Variants in CACNA2D3 observed in about 807,000 individuals in gnomAD.
CACNA2D3 encodes voltage-dependent calcium channel subunit alpha-2/delta-3.
CACNA2D3 carries 60 observed loss-of-function variants against 160.6 expected under a neutral mutation model. That is an observed-to-expected ratio of 0.37 (90% CI 0.30 to 0.46). The LOEUF is 0.46. Among genes scored for constraint, CACNA2D3 ranks in the 20% least tolerant of loss-of-function variants. The pLI, the probability that CACNA2D3 is intolerant of heterozygous loss-of-function variation, is 1.00. For missense variants in CACNA2D3, 1,205 were observed against 1,365.0 expected (o/e 0.88, Z 1.85); for synonymous variants, 558 against 492.9 (o/e 1.13, Z -1.75).
intron 2 of CACNA2D3, among the ~76,000 whole-genome samples, chr3:54,258,500 A>T (rs575724399): frequency 1.4e-3 from 207 of 152,324 alleles, no homozygotes; most frequent in African/African-American, 4.6e-3. Flanking sequence ...CTGATGTTGG[A>T]GAATGAAGTT....
intron 2 of CACNA2D3, among the ~76,000 whole-genome samples, chr3:54,155,613 C>T (rs1042017260): frequency 2.0e-5 from 3 of 152,134 alleles, no homozygotes; most frequent in East Asian, 1.9e-4. Context: ...GTTTTGTTTG[C>T]GTTTTTCTCT....
chr3:54,572,977 C>G (rs1385801164), intron 8 of CACNA2D3, among the ~76,000 whole-genome samples: 1 of 152,072 alleles, frequency 6.6e-6, no homozygotes, highest in Non-Finnish European at 1.5e-5. Flanking sequence ...ACAGTGTCAA[C>G]TCAATAAAGA....
chr3:54,617,312 C>G (rs1025053482), intron 9 of CACNA2D3, among the ~76,000 whole-genome samples: 5 of 152,224 alleles, frequency 3.3e-5, no homozygotes, highest in Admixed American at 1.3e-4. Flanking sequence ...CAGCACCTCT[C>G]TCTCTCATCC....
At chr3:54,810,351 C>T (rs896048706) in intron 13 of CACNA2D3, among the ~76,000 whole-genome samples, 3 of 152,166 alleles carry the variant, frequency 2.0e-5, no homozygotes, top group Non-Finnish European at 2.9e-5. Context: ...TGTGAGACAA[C>T]CTGCACTGCC....
intron 13 of CACNA2D3, among the ~76,000 whole-genome samples, chr3:54,787,400 A>T (rs969625262): frequency 6.6e-6 from 1 of 152,236 alleles, no homozygotes; most frequent in African/African-American, 2.4e-5. Flanking sequence ...TCTGGACCAG[A>T]AGCACAATTG....
At chr3:54,584,431 G>A (rs1386523699) in intron 9 of CACNA2D3, among the ~76,000 whole-genome samples, 1 of 152,130 alleles carries the variant, frequency 6.6e-6, no homozygotes, top group African/African-American at 2.4e-5. Context: ...GAAGATGACA[G>A]CAGATAAAAT....
chr3:54,571,038 A>G (rs899352335), intron 8 of CACNA2D3, among the ~76,000 whole-genome samples: 1 of 152,176 alleles, frequency 6.6e-6, no homozygotes, highest in African/African-American at 2.4e-5. Flanking sequence ...ATGAGACTTC[A>G]GTCAAATACA....
chr3:54,628,706 G>A (rs1450240597), intron 10 of CACNA2D3, among the ~76,000 whole-genome samples: 1 of 152,082 alleles, frequency 6.6e-6, no homozygotes, highest in East Asian at 1.9e-4. Context: ...AGTTTAATTC[G>A]GGCAATTGAT....
chr3:54,717,679 GTGGTGT>G (rs1002645068), intron 11 of CACNA2D3, among the ~76,000 whole-genome samples: 3 of 145,916 alleles, frequency 2.1e-5, no homozygotes, highest in Non-Finnish European at 3.0e-5. Flanking sequence ...TGTGGTGTGT[GTGGTGT>G]GTGCGTGCGT....
chr3:54,885,529 C>T lies in CACNA2D3; in HGVS notation c.1999C>T (p.Leu667=). The change falls in exon 23 of 38, where the codon CTG becomes TTG. Residue 667 remains leucine (L), a synonymous_variant. Transcript: ENST00000474759. ...TGACCTACACCCTGAGCACCGCCAT[C>T]TGTCTCAGTTAGAAGCGATTAAGCT... ...NTDLHPEHRH[L]SQLEAIKLYL... is the part of the protein sequence containing the mutation. 1 of 1,613,800 alleles carries T rather than the reference C, an allele frequency of 6.2e-7. No homozygotes were observed. Among genetic ancestry groups the T allele is most frequent in the Non-Finnish European group, 8.5e-7 (1 of 1,179,804 alleles).
At chr3:54,238,114 A>G (rs547520266) in intron 2 of CACNA2D3, among the ~76,000 whole-genome samples, 174 of 152,310 alleles carry the variant, frequency 1.1e-3, no homozygotes, top group African/African-American at 3.9e-3. Flanking sequence ...CTTTGCATTC[A>G]TCAGACTTGC....
intron 31 of CACNA2D3, 24 bp downstream of exon 31, chr3:54,987,777 A>C (rs747750276): frequency 1.9e-6 from 3 of 1,548,686 alleles, no homozygotes; most frequent in East Asian, 2.3e-5. Context: ...GGTCCACTGC[A>C]TTCCCCCCAA....
intron 5 of CACNA2D3, among the ~76,000 whole-genome samples, chr3:54,553,324 G>A (rs895176407): frequency 6.6e-6 from 1 of 152,204 alleles, no homozygotes. Flanking sequence ...TTTACTTGCT[G>A]AAATGGGAGA....
rs148650900 is a variant in CACNA2D3, at chr3:54,317,624, G to A, written c.205-2818G>A. On this transcript the variant is annotated intron_variant, in intron 2 of 37. Coordinates refer to ENST00000474759, the MANE Select transcript of CACNA2D3 (RefSeq NM_018398.3). ...GCGATCGCGGCTCACTGCAATATCC[G>A]CCTCCCAGGTTGAAGTGATTCTTCT... Among the ~76,000 whole-genome samples, 1,251 of 152,086 alleles carry A rather than the reference G, an allele frequency of 8.2e-3. 17 individuals carry two copies. Among genetic ancestry groups the A allele is most frequent in the African/African-American group, 0.028 (1,182 of 41,480 alleles).
intron 9 of CACNA2D3, among the ~76,000 whole-genome samples, chr3:54,601,452 C>G (rs1242094344): frequency 1.3e-5 from 2 of 152,162 alleles, no homozygotes; most frequent in Non-Finnish European, 2.9e-5. Flanking sequence ...AAGTGATCCT[C>G]CTGCCTCAGC....
intron 31 of CACNA2D3, among the ~76,000 whole-genome samples, chr3:54,992,796 A>G (rs952413400): frequency 6.7e-6 from 1 of 150,078 alleles, no homozygotes; most frequent in African/African-American, 2.5e-5. Context: ...AAAAAAAAAG[A>G]AAAAAGCAGT....
chr3:54,844,046 G>A (rs1237911346), intron 16 of CACNA2D3, among the ~76,000 whole-genome samples: 2 of 152,174 alleles, frequency 1.3e-5, no homozygotes, highest in South Asian at 2.1e-4. Context: ...CAGCACAGAG[G>A]TGGTCACTGC....
At chr3:55,046,371 G>T (rs1276723020) in intron 35 of CACNA2D3, among the ~76,000 whole-genome samples, 1 of 109,324 alleles carries the variant, frequency 9.1e-6, no homozygotes, top group Non-Finnish European at 1.9e-5. Context: ...TTGTTCTTGC[G>T]ATAGTTTACT....
intron 2 of CACNA2D3, among the ~76,000 whole-genome samples, chr3:54,230,282 A>G (rs1408075783): frequency 6.6e-6 from 1 of 152,178 alleles, no homozygotes; most frequent in Non-Finnish European, 1.5e-5. Context: ...TCTTGCCAGC[A>G]GAGTATTTCC....
Sources: gnomAD v4.1 joint callset for allele counts (sites outside exome capture counted in the v4.1 genomes callset) on GRCh38, gnomAD v4.1.1 for gene constraint, MANE v1.5 for transcripts, NCBI Gene and HGNC (gene_info 2026-07-23, HGNC 2026-07-21) for gene names.